PCDHA5: variants seen among roughly 807,000 people sequenced by gnomAD.
PCDHA5 encodes the protein protocadherin alpha-5.
In PCDHA5, 43 loss-of-function variants were observed where a neutral mutation model predicts 61.6. The observed-to-expected ratio is 0.70, with a 90% CI of 0.55 to 0.90. The LOEUF (loss-of-function observed/expected upper bound fraction) is 0.90. Ranked by LOEUF, PCDHA5 falls within the 40% of genes least tolerant of loss-of-function variation. The probability of loss-of-function intolerance (pLI) is 0.00; values close to 1 mark genes in which losing one functional copy is unlikely to be tolerated. For missense variants in PCDHA5, 1,298 were observed against 1,222.7 expected, an observed-to-expected ratio of 1.06 and a Z score of -0.92; for synonymous variants, 627 against 543.9, an observed-to-expected ratio of 1.15 and a Z score of -2.13.
rs1421975943 is a variant in PCDHA5 at position 140,853,700 on chromosome 5, G to A, written c.2352+29573G>A. 8.1e-6 allele frequency: 8 copies of A among 987,678 alleles called. 1 individual carries two copies. Among genetic ancestry groups the A allele is most frequent in the Admixed American group, 6.3e-5 (1 of 15,866 alleles). The allele number at this position is 987,678 out of a possible 1,614,324, so 61.2% of individuals were successfully genotyped here. The stretch of plus-strand genomic sequence containing the variant: ...TCAACCTATCCTTAGACCTGCTAAC[G>A]CATTAGCATTAGCAGCACCTAAGTC... On this transcript the variant is annotated intron_variant, in intron 1 of 3. Coordinates refer to ENST00000529859, the MANE Select transcript of PCDHA5 (RefSeq NM_018908.3).
intron 1 of PCDHA5, chr5:140,836,852 AT>A: frequency 2.5e-6 from 2 of 810,938 alleles, no homozygotes; most frequent in Non-Finnish European, 3.8e-6. Flanking sequence ...TATAATTATT[AT>A]TTTTTAATGT....
At position 140,967,262 on chromosome 5, in the gene PCDHA5, C is replaced by T; in HGVS notation, c.2353-11687C>T. ...AAGCGAATCGGTGGCGCCTGGAGCG[C>T]GCTTTCACATAGAGAGTGCGCAGGA... On this transcript the variant is annotated intron_variant, in intron 1 of 3. Transcript: ENST00000529859. The T allele has an allele frequency of 1.9e-6, 3 of 1,613,522 alleles. No homozygotes were observed. In the South Asian group the frequency reaches 3.3e-5, roughly 18 times the overall value.
intron 1 of PCDHA5, among the ~76,000 whole-genome samples, chr5:140,964,896 G>A (rs868917865): frequency 6.6e-6 from 1 of 152,170 alleles, no homozygotes. Context: ...TAGGAGGCTG[G>A]GCGCTTCTCT....
In PCDHA5 at chr5:140,821,817, G is replaced by A; in HGVS notation, c.42G>A (p.Leu14=). The A allele has an allele frequency of 6.2e-7, 1 of 1,613,974 alleles. No individual in the cohort carries two copies. The highest frequency in any genetic ancestry group is 1.3e-5 in the African/African-American group (1 of 75,066). Residue 14 remains leucine (L), a synonymous_variant, in exon 1 of 4, where the codon CTG becomes CTA. Coordinates refer to ENST00000529859, the MANE Select transcript of PCDHA5 (RefSeq NM_018908.3). Reference sequence around the variant, plus strand: ...GAGGAAGTCTGGGATCCCGGCTCCTGCTGCTCTGGCTTCTCCTTGCCTACT... The same window carrying A: ...GAGGAAGTCTGGGATCCCGGCTCCTACTGCTCTGGCTTCTCCTTGCCTACT... The part of the protein sequence containing the change: ...SRRGSLGSRL[L]LLWLLLAYWK...
At position 140,854,099 on chromosome 5, in the gene PCDHA5, C is replaced by T. The variant is rs139574544; in HGVS notation, c.2352+29972C>T. 48 of 268,552 alleles carry T rather than the reference C, an allele frequency of 1.8e-4. 2 individuals are homozygous for T. Among genetic ancestry groups the T allele is most frequent in the African/African-American group, 8.8e-4 (36 of 40,902 alleles). 16.6% of individuals were successfully genotyped at this position (268,552 alleles called of 1,614,324 possible). The stretch of plus-strand genomic sequence containing the variant: ...ATCGCTTGAGCCTGGGACATTGAGG[C>T]TGCAGTGAACTGTGATGGCACAACT... On this transcript the variant is annotated intron_variant, in intron 1 of 3. Transcript: ENST00000529859.
chr5:140,832,676 A>G (rs1772104728), intron 1 of PCDHA5, among the ~76,000 whole-genome samples: 1 of 152,242 alleles, frequency 6.6e-6, no homozygotes. Context: ...GCTGAGAATC[A>G]TCGAATTAAC....
chr5:140,823,159 T>A lies in PCDHA5; in HGVS notation c.1384T>A (p.Phe462Ile). 6.2e-7 allele frequency: 1 copy of A among 1,613,740 alleles called. No individual in the cohort carries two copies. The highest frequency in any genetic ancestry group is 8.5e-7 in the Non-Finnish European group (1 of 1,179,866). The stretch of plus-strand genomic sequence containing the variant: ...GTTCGCGCAGCCCCAGTATACCGTG[T>A]TCGTGAAGGAGAACAACCCGCCAGG... ...PAFAQPQYTV[F>I]VKENNPPGCH... Residue 462 changes from phenylalanine (F) to isoleucine (I), a missense_variant, in exon 1 of 4, where the codon TTC becomes ATC. Physicochemically the swap from Phe to Ile is conservative, Grantham distance 21. Coordinates refer to ENST00000529859, the MANE Select transcript of PCDHA5 (RefSeq NM_018908.3).
rs180683275 is a variant in PCDHA5 at position 140,985,540 on chromosome 5, T to C, written c.2500+2977T>C. 7.6e-3 allele frequency among the ~76,000 whole-genome samples: 1,162 copies of C among 152,268 alleles called. 7 individuals are homozygous for C. The highest frequency in any genetic ancestry group is 0.012 in the Non-Finnish European group (785 of 68,010). On this transcript the variant is annotated intron_variant, in intron 3 of 3. Coordinates refer to ENST00000529859, the MANE Select transcript of PCDHA5 (RefSeq NM_018908.3). ...TGCCCTTAAAGCTTCACGGTGAAGATGCAGTTGCTTCCAAAAGGCTTCTTT... is the reference window on the plus strand; with the variant it reads ...TGCCCTTAAAGCTTCACGGTGAAGACGCAGTTGCTTCCAAAAGGCTTCTTT...
chr5:140,951,008 G>A (rs563188363), intron 1 of PCDHA5, among the ~76,000 whole-genome samples: 2 of 151,974 alleles, frequency 1.3e-5, no homozygotes, highest in South Asian at 4.2e-4. Flanking sequence ...TTTTTCCCAA[G>A]ATCAGGCAGT....
intron 1 of PCDHA5, chr5:140,865,406 G>A (rs899888055): frequency 4.6e-5 from 7 of 152,130 alleles, no homozygotes; most frequent in African/African-American, 1.4e-4. Flanking sequence ...ATGCTGAAAA[G>A]GAATTAGTAG....
chr5:140,895,857 G>C (rs1181424868), intron 1 of PCDHA5, among the ~76,000 whole-genome samples: 1 of 152,116 alleles, frequency 6.6e-6, no homozygotes, highest in Admixed American at 6.5e-5. Flanking sequence ...TGTACCCCAG[G>C]CTGGAGTGCA....
intron 1 of PCDHA5, chr5:140,869,802 G>T: frequency 6.2e-7 from 1 of 1,612,556 alleles, no homozygotes; most frequent in South Asian, 1.1e-5. Flanking sequence ...TCCAAGTCTT[G>T]GATGTCAACG....
chr5:140,871,438 C>T, intron 1 of PCDHA5: 1 of 1,611,836 alleles, frequency 6.2e-7, no homozygotes. Context: ...TCCTCTAGGT[C>T]TGAATAAAGA....
chr5:140,999,431 C>G (rs1554256799), intron 3 of PCDHA5, among the ~76,000 whole-genome samples: 1 of 152,134 alleles, frequency 6.6e-6, no homozygotes, highest in African/African-American at 2.4e-5. Context: ...GGCCAAGTAC[C>G]TTGCCTCTTA....
chr5:140,909,719 C>T (rs2074652522), intron 1 of PCDHA5, among the ~76,000 whole-genome samples: 1 of 152,130 alleles, frequency 6.6e-6, no homozygotes, highest in Non-Finnish European at 1.5e-5. Flanking sequence ...ATACCTATGC[C>T]AATTATGCAT....
intron 1 of PCDHA5, chr5:140,829,797 G>C: frequency 6.2e-7 from 1 of 1,613,852 alleles, no homozygotes; most frequent in Admixed American, 1.7e-5. Flanking sequence ...CTGGCGCCTC[G>C]GGTGGGTGGT....
chr5:140,939,018 T>G (rs1554212547), intron 1 of PCDHA5, among the ~76,000 whole-genome samples: 1 of 152,228 alleles, frequency 6.6e-6, no homozygotes, highest in Non-Finnish European at 1.5e-5. Context: ...TTACTTTTCT[T>G]TTACTTATTC....
chr5:140,854,797 A>G (rs1299295498), intron 1 of PCDHA5: 1 of 149,772 alleles, frequency 6.7e-6, no homozygotes, highest in African/African-American at 2.4e-5. Context: ...TGAGAGAGAA[A>G]AAAATATTTT....
At chr5:140,989,810 AT>A (rs2097361628) in intron 3 of PCDHA5, among the ~76,000 whole-genome samples, 1 of 152,192 alleles carries the variant, frequency 6.6e-6, no homozygotes, top group Non-Finnish European at 1.5e-5. Context: ...GGGCCATAAG[AT>A]TGGTCACTGC....
Sources: allele counts gnomAD v4.1 joint callset (sites outside exome capture counted in the v4.1 genomes callset), GRCh38; gene constraint gnomAD v4.1.1; transcripts MANE v1.5; gene names NCBI Gene and HGNC (gene_info 2026-07-23, HGNC 2026-07-21).